Variants in CAST observed in about 807,000 individuals in gnomAD.
CAST encodes calpastatin, also known as MIR583 host.
In CAST, 76 loss-of-function variants were observed where a neutral mutation model predicts 119.6. The ratio of observed to expected loss-of-function variants is 0.64; its 90% CI spans 0.53 to 0.77. The LOEUF (loss-of-function observed/expected upper bound fraction) is 0.77, where lower values mean the gene tolerates loss of function less well. Among genes scored for constraint, CAST ranks in the 30% least tolerant of loss-of-function variants. CAST has a pLI of 0.00. For synonymous variants in CAST, 319 were observed against 331.6 expected (o/e 0.96, Z 0.41); for missense variants, 953 against 946.5 (o/e 1.01, Z -0.09).
intron 1 of CAST, among the ~76,000 whole-genome samples, chr5:96,638,177 T>C (rs1478803199): frequency 6.6e-6 from 1 of 151,824 alleles, no homozygotes; most frequent in Non-Finnish European, 1.5e-5. Context: ...AGGCCGAGGC[T>C]GGCAGATCAC....
chr5:96,747,988 G>A (rs576447893), intron 18 of CAST, among the ~76,000 whole-genome samples: 6 of 152,242 alleles, frequency 3.9e-5, no homozygotes, highest in African/African-American at 9.6e-5. Flanking sequence ...GAGTCCCAGC[G>A]TCTGAATCAC....
At chr5:96,630,107 A>C (rs4869300) in intron 1 of CAST, among the ~76,000 whole-genome samples, 24,062 of 152,162 alleles carry the variant, frequency 0.16, 2,942 homozygotes, top group African/African-American at 0.35. Flanking sequence ...CTGTCCTAAG[A>C]ACTGGGGATG....
At chr5:96,382,460 A>G in the CAST span, among the ~76,000 whole-genome samples, 2 of 152,218 alleles carry the variant, frequency 1.3e-5, no homozygotes, top group Non-Finnish European at 2.9e-5. Context: ...GGCATCAGCT[A>G]TTATTCTTCT....
chr5:96,713,907 G>A (rs571758086), intron 3 of CAST, among the ~76,000 whole-genome samples: 60 of 152,154 alleles, frequency 3.9e-4, no homozygotes, highest in African/African-American at 1.3e-3. Flanking sequence ...CCCAGGTGGC[G>A]GAGGTTACAG....
the CAST span, among the ~76,000 whole-genome samples, chr5:96,438,004 A>C: frequency 1.3e-5 from 2 of 152,168 alleles, no homozygotes; most frequent in African/African-American, 4.8e-5. Flanking sequence ...TCTTTTATAC[A>C]TGATAGCAAT....
intron 1 of CAST, among the ~76,000 whole-genome samples, chr5:96,645,077 AC>A (rs755590433): frequency 9.2e-5 from 14 of 151,888 alleles, no homozygotes; most frequent in Non-Finnish European, 1.8e-4. Context: ...AATACTACAT[AC>A]TCACTATATT....
chr5:96,263,056 C>G, the CAST span, among the ~76,000 whole-genome samples: 68 of 152,326 alleles, frequency 4.5e-4, no homozygotes, highest in African/African-American at 1.6e-3. Context: ...TTAGCCCTGA[C>G]TGTGTTGGAA....
chr5:95,995,943 G>A, the CAST span, among the ~76,000 whole-genome samples: 2 of 152,104 alleles, frequency 1.3e-5, no homozygotes, highest in African/African-American at 4.8e-5. Flanking sequence ...ATATGACATC[G>A]TAGTAACTCG....
chr5:96,710,563 C>G (rs529150001), intron 3 of CAST, among the ~76,000 whole-genome samples: 1 of 152,090 alleles, frequency 6.6e-6, no homozygotes, highest in Non-Finnish European at 1.5e-5. Context: ...CATTTCTACC[C>G]GTTATGTCAA....
intron 1 of CAST, among the ~76,000 whole-genome samples, chr5:96,602,790 G>C (rs1180003405): frequency 6.6e-6 from 1 of 152,142 alleles, no homozygotes; most frequent in African/African-American, 2.4e-5. Context: ...ATAAACTTAT[G>C]GGAGAAGACC....
chr5:96,748,311 C>G (rs1426725791), intron 18 of CAST, among the ~76,000 whole-genome samples: 1 of 152,046 alleles, frequency 6.6e-6, no homozygotes, highest in Non-Finnish European at 1.5e-5. Flanking sequence ...ATACTTTGGT[C>G]CTGAGGTGTT....
At chr5:96,295,234 A>G in the CAST span, among the ~76,000 whole-genome samples, 3 of 152,180 alleles carry the variant, frequency 2.0e-5, no homozygotes, top group Admixed American at 6.5e-5. Flanking sequence ...AATGCCCCCC[A>G]TGGAGATGTA....
At chr5:96,311,338 A>G in the CAST span, among the ~76,000 whole-genome samples, 315 of 152,222 alleles carry the variant, frequency 2.1e-3, 13 homozygotes, top group East Asian at 0.051. Flanking sequence ...GTGGCCTAAC[A>G]TATTACCTAT....
intron 3 of CAST, among the ~76,000 whole-genome samples, chr5:96,701,644 A>C (rs1273883180): frequency 6.6e-6 from 1 of 152,036 alleles, no homozygotes; most frequent in East Asian, 1.9e-4. Context: ...GTCTCTACTA[A>C]AAATACAAAA....
chr5:96,210,943 G>A, the CAST span, among the ~76,000 whole-genome samples: 2 of 151,768 alleles, frequency 1.3e-5, no homozygotes, highest in African/African-American at 2.4e-5. Flanking sequence ...ATTGTAAGTT[G>A]TATTTTTAAT....
At chr5:96,488,244 T>C in the CAST span, among the ~76,000 whole-genome samples, 3 of 152,274 alleles carry the variant, frequency 2.0e-5, no homozygotes, top group African/African-American at 7.2e-5. Context: ...ACTTAGAGAA[T>C]TGTAGTCCCT....
At chr5:96,627,847 T>G (rs981537955) in intron 1 of CAST, among the ~76,000 whole-genome samples, 1 of 152,244 alleles carries the variant, frequency 6.6e-6, no homozygotes, top group Admixed American at 6.5e-5. Context: ...CAGAGTTTCA[T>G]AGTCACAAAG....
chr5:96,038,206 G>T, the CAST span, among the ~76,000 whole-genome samples: 1 of 152,178 alleles, frequency 6.6e-6, no homozygotes, highest in South Asian at 2.1e-4. Flanking sequence ...AAAAAATAAA[G>T]TAGTGTTAGA....
At chr5:96,738,284 T>G (rs1376128521) in intron 11 of CAST, among the ~76,000 whole-genome samples, 2 of 152,072 alleles carry the variant, frequency 1.3e-5, no homozygotes, top group Admixed American at 6.5e-5. Flanking sequence ...ATCGCACCAC[T>G]GCACTCCAGT....
Sources: allele counts gnomAD v4.1 joint callset (sites outside exome capture counted in the v4.1 genomes callset), GRCh38; gene constraint gnomAD v4.1.1; transcripts MANE v1.5; gene names NCBI Gene and HGNC (gene_info 2026-07-23, HGNC 2026-07-21).